Variants in ADAM23 observed in about 807,000 individuals in gnomAD.
The protein encoded by ADAM23 is ADAM metallopeptidase domain 23.
Under a neutral mutation model 120.1 loss-of-function variants are expected in ADAM23, and 33 were observed. The ratio of observed to expected loss-of-function variants is 0.27; its 90% CI spans 0.21 to 0.37. ADAM23 has a LOEUF of 0.37. Ranked by LOEUF, ADAM23 falls within the 10% of genes least tolerant of loss-of-function variation. ADAM23 has a pLI of 1.00. For missense variants in ADAM23, 862 were observed against 1,058.2 expected (o/e 0.81, Z 2.57); for synonymous variants, 367 against 375.2 (o/e 0.98, Z 0.25).
chr2:206,461,065 T>TC (rs1468385663), intron 2 of ADAM23, among the ~76,000 whole-genome samples: 4 of 144,580 alleles, frequency 2.8e-5, no homozygotes, highest in East Asian at 2.0e-4. Flanking sequence ...TTCTTCTTCT[T>TC]TTTTTTTTTT....
At chr2:206,545,723 G>C (rs1697384897) in intron 6 of ADAM23, among the ~76,000 whole-genome samples, 1 of 152,132 alleles carries the variant, frequency 6.6e-6, no homozygotes, top group Non-Finnish European at 1.5e-5. Context: ...AGCCCACTTA[G>C]ATAAAGACAT....
At chr2:206,586,040 C>A (rs1698315158) in intron 18 of ADAM23, among the ~76,000 whole-genome samples, 1 of 152,114 alleles carries the variant, frequency 6.6e-6, no homozygotes, top group Admixed American at 6.5e-5. Context: ...ATGCCGAAAT[C>A]CAGAGCGACA....
At position 206,605,821 on chromosome 2, in the gene ADAM23, C is replaced by T. The variant is rs201198378; in HGVS notation, c.2360-4089C>T. On this transcript the variant is annotated intron_variant, in intron 24 of 25. Transcript: ENST00000264377. Reference sequence around the variant, plus strand: ...TGGCCACAAGCAGGCTAATAGGGGCCGTGGCCGGCACCATTCTGGCCCTGG... The same window carrying T: ...TGGCCACAAGCAGGCTAATAGGGGCTGTGGCCGGCACCATTCTGGCCCTGG... The T allele has an allele frequency of 1.1e-3, 790 of 701,040 alleles. 4 individuals carry two copies. The highest frequency in any genetic ancestry group is 9.4e-3 in the Middle Eastern group (41 of 4,358). The allele number at this position is 701,040 out of a possible 1,614,324, so 43.4% of individuals were successfully genotyped here.
chr2:206,481,363 TATA>T, intron 3 of ADAM23, 55 bp downstream of exon 3: 2 of 1,351,280 alleles, frequency 1.5e-6, no homozygotes, highest in South Asian at 2.8e-5. Context: ...GCTTTGTTTT[TATA>T]ATATCGGTTT....
chr2:206,589,928 T>C (rs1041736664), intron 21 of ADAM23, among the ~76,000 whole-genome samples: 1 of 152,198 alleles, frequency 6.6e-6, no homozygotes, highest in Admixed American at 6.5e-5. Flanking sequence ...CGTGAAATCT[T>C]ACTGTGTTTT....
At chr2:206,572,205 C>T (rs561569609) in intron 17 of ADAM23, among the ~76,000 whole-genome samples, 1 of 152,244 alleles carries the variant, frequency 6.6e-6, no homozygotes, top group South Asian at 2.1e-4. Context: ...TAGACCTGAA[C>T]ATAAAAGCTA....
chr2:206,497,630 A>C (rs1050034124), intron 3 of ADAM23, among the ~76,000 whole-genome samples: 4 of 152,152 alleles, frequency 2.6e-5, no homozygotes, highest in Admixed American at 6.5e-5. Flanking sequence ...CCTATTCAAC[A>C]TAGTGTGGGA....
chr2:206,503,478 T>C (rs1696432671), intron 3 of ADAM23, among the ~76,000 whole-genome samples: 1 of 152,144 alleles, frequency 6.6e-6, no homozygotes, highest in African/African-American at 2.4e-5. Context: ...GAATTAATAG[T>C]GTGGTATGGT....
chr2:206,500,805 A>G (rs1696372470), intron 3 of ADAM23, among the ~76,000 whole-genome samples: 1 of 152,160 alleles, frequency 6.6e-6, no homozygotes, highest in African/African-American at 2.4e-5. Flanking sequence ...ACCCTCTCTC[A>G]TCTGCCACAT....
At position 206,560,098 on chromosome 2, in the gene ADAM23, T is replaced by G; in HGVS notation, c.1149T>G (p.Ala383=). The change falls in exon 11 of 26, where the codon GCT becomes GCG. Residue 383 remains alanine, a synonymous_variant. Coordinates refer to ENST00000264377, the MANE Select transcript of ADAM23 (RefSeq NM_003812.4). The stretch of plus-strand genomic sequence containing the variant: ...ACCGGCAGCGCATTAAGCAGCATGC[T>G]GATGCTGTGCACCTCATCTCGTACG... ...SKYRQRIKQH[A]DAVHLISRVT... is the part of the protein sequence containing the mutation. The G allele has an allele frequency of 6.2e-7, 1 of 1,614,002 alleles. No individual in the cohort carries two copies. Among genetic ancestry groups the G allele is most frequent in the Non-Finnish European group, 8.5e-7 (1 of 1,179,890 alleles).
At chr2:206,538,282 T>G (rs959567937) in intron 4 of ADAM23, among the ~76,000 whole-genome samples, 1 of 152,218 alleles carries the variant, frequency 6.6e-6, no homozygotes, top group African/African-American at 2.4e-5. Flanking sequence ...TTTTATTTCC[T>G]TATTCTGCAG....
intron 3 of ADAM23, among the ~76,000 whole-genome samples, chr2:206,498,660 TTAAAC>T (rs1393975675): frequency 6.6e-6 from 1 of 152,076 alleles, no homozygotes; most frequent in Non-Finnish European, 1.5e-5. Flanking sequence ...TGGGATCTAA[TTAAAC>T]TAAAGAGCTT....
At chr2:206,506,166 T>G (rs1696493054) in intron 3 of ADAM23, among the ~76,000 whole-genome samples, 1 of 152,192 alleles carries the variant, frequency 6.6e-6, no homozygotes, top group Non-Finnish European at 1.5e-5. Flanking sequence ...TTCATGAAAT[T>G]TCTTACCAAG....
chr2:206,529,868 G>C (rs1697015481), intron 3 of ADAM23, among the ~76,000 whole-genome samples: 1 of 152,018 alleles, frequency 6.6e-6, no homozygotes, highest in Admixed American at 6.5e-5. Flanking sequence ...ATGGAGTGCA[G>C]TGGCATGATC....
At chr2:206,478,412 T>G (rs1695827493) in intron 2 of ADAM23, among the ~76,000 whole-genome samples, 1 of 152,186 alleles carries the variant, frequency 6.6e-6, no homozygotes, top group African/African-American at 2.4e-5. Context: ...AATCAGGTTT[T>G]TTTTTTCCTA....
chr2:206,613,151 C>A (rs964753797), intron 25 of ADAM23, among the ~76,000 whole-genome samples: 8 of 152,134 alleles, frequency 5.3e-5, no homozygotes, highest in African/African-American at 1.7e-4. Context: ...CCTCCGCCTC[C>A]CAGGTTCAGG....
intron 21 of ADAM23, among the ~76,000 whole-genome samples, chr2:206,590,634 C>A (rs1698408297): frequency 6.6e-6 from 1 of 152,112 alleles, no homozygotes; most frequent in South Asian, 2.1e-4. Context: ...TCCATTTAGT[C>A]TTTGATGATG....
chr2:206,447,993 ACTCTTC>A (rs1220905488), intron 2 of ADAM23, among the ~76,000 whole-genome samples: 1 of 152,086 alleles, frequency 6.6e-6, no homozygotes, highest in Non-Finnish European at 1.5e-5. Flanking sequence ...ATGTTTATTA[ACTCTTC>A]CAGAATTGGT....
chr2:206,561,701 A>G (rs1697771341), intron 12 of ADAM23, among the ~76,000 whole-genome samples: 1 of 152,176 alleles, frequency 6.6e-6, no homozygotes, highest in African/African-American at 2.4e-5. Context: ...AGATTTTAAT[A>G]CTTTCAGTTT....
Sources: gnomAD v4.1 joint callset for allele counts (sites outside exome capture counted in the v4.1 genomes callset) on GRCh38, gnomAD v4.1.1 for gene constraint, MANE v1.5 for transcripts, NCBI Gene and HGNC (gene_info 2026-07-23, HGNC 2026-07-21) for gene names.